PSME4: variants seen among roughly 807,000 people sequenced by gnomAD.
PSME4 encodes the protein proteasome activator complex subunit 4.
In PSME4, 89 loss-of-function variants were observed where a neutral mutation model predicts 253.9. That is an observed-to-expected ratio of 0.35 (90% CI 0.30 to 0.42). The LOEUF is 0.42. Among genes scored for constraint, PSME4 ranks in the 10% least tolerant of loss-of-function variants. The pLI, the probability that PSME4 is intolerant of heterozygous loss-of-function variation, is 1.00. For synonymous variants in PSME4, 851 were observed against 759.2 expected, an observed-to-expected ratio of 1.12 and a Z score of -1.99; for missense variants, 2,014 against 2,195.2, an observed-to-expected ratio of 0.92 and a Z score of 1.65.
At position 53,866,838 on chromosome 2, in the gene PSME4, C is replaced by T. The variant is rs760653754; in HGVS notation, c.5306G>A (p.Cys1769Tyr). 28 of 1,614,096 alleles carry T rather than the reference C, an allele frequency of 1.7e-5. No individual in the cohort carries two copies. The highest frequency in any genetic ancestry group is 2.3e-5 in the Non-Finnish European group (27 of 1,179,964). The change falls in exon 45 of 47, where the codon TGT becomes TAT. Residue 1769 changes from cysteine to tyrosine, a missense_variant. This residue lies in a region of PSME4 where 403 missense variants were observed against 556.1 expected (regional missense o/e 0.72). Transcript: ENST00000404125. ...AACATCGTAAGGACTAGAAAGAACA[C>T]ATGCACCAAGTCCTAGCACCCCAGC... ...RHAGVLGLGA[C>Y]VLSSPYDVPT... is the part of the protein sequence containing the mutation.
intron 17 of PSME4, among the ~76,000 whole-genome samples, chr2:53,921,311 T>C (rs186193443): frequency 3.3e-5 from 5 of 152,034 alleles, no homozygotes; most frequent in East Asian, 3.9e-4. Flanking sequence ...TCATGCACCA[T>C]AGTAACATCC....
At chr2:53,923,953 A>G (rs937330988) in intron 14 of PSME4, among the ~76,000 whole-genome samples, 61 of 149,876 alleles carry the variant, frequency 4.1e-4, no homozygotes, top group South Asian at 6.3e-4. Context: ...AAATTGAGGT[A>G]CAAGATTTCA....
At chr2:53,924,813 A>C (rs931551821) in intron 14 of PSME4, among the ~76,000 whole-genome samples, 4 of 152,082 alleles carry the variant, frequency 2.6e-5, no homozygotes, top group African/African-American at 9.7e-5. Flanking sequence ...ATGTTCTATA[A>C]ATTTGCTGTG....
chr2:53,920,196 G>A lies in PSME4; in HGVS notation c.2417C>T (p.Ser806Phe), dbSNP rs1365582950. Residue 806 changes from serine (S) to phenylalanine (F), a missense_variant, in exon 19 of 47, where the codon TCT becomes TTT. Coordinates refer to ENST00000404125, the MANE Select transcript of PSME4 (RefSeq NM_014614.3). ...CTAATTATAAAATAAAACCAACCTA[G>A]ACATTTCAAGTTTTCCATCCCCACA... ...QHCGDGKLEMSRDDILQSLTI... is the reference protein window; with the variant it reads ...QHCGDGKLEMFRDDILQSLTI... 6.2e-7 allele frequency: 1 copy of A among 1,605,656 alleles called. No individual in the cohort carries two copies. Among genetic ancestry groups the A allele is most frequent in the African/African-American group, 1.3e-5 (1 of 74,518 alleles).
chr2:53,921,116 GA>G lies in PSME4; in HGVS notation c.2047-13del. On this transcript the variant is annotated splice_polypyrimidine_tract_variant and intron_variant, in intron 17 of 46. Coordinates refer to ENST00000404125, the MANE Select transcript of PSME4 (RefSeq NM_014614.3). ...TCCACTCGAGTAATCTAAAAGGAGG[GA>G]AAAAATAGTTGAAGATATTTTGGTT... is the stretch of plus-strand genomic sequence containing the variant. The G allele has an allele frequency of 6.2e-7, 1 of 1,608,778 alleles. No individual in the cohort carries two copies. The highest frequency in any genetic ancestry group is 8.5e-7 in the Non-Finnish European group (1 of 1,178,792).
chr2:53,938,709 G>T (rs805361), intron 4 of PSME4, among the ~76,000 whole-genome samples: 73,948 of 151,854 alleles, frequency 0.49, 18,345 homozygotes, highest in East Asian at 0.72. Context: ...GGCCCACACA[G>T]CATATTATTA....
In PSME4 at chr2:53,887,412, T is replaced by C; in HGVS notation, c.4576A>G (p.Ile1526Val). 1.2e-6 allele frequency: 2 copies of C among 1,613,966 alleles called. No individual in the cohort carries two copies. Among genetic ancestry groups the C allele is most frequent in the Non-Finnish European group, 1.7e-6 (2 of 1,179,884 alleles). Residue 1526 changes from isoleucine to valine, a missense_variant, in exon 40 of 47, where the codon ATA (isoleucine) becomes GTA (valine). By Grantham distance (29) the Ile-to-Val change is conservative (BLOSUM62 3). Transcript: ENST00000404125. ...GTAAACTCAGGGACATGAGGCGATA[T>C]GGTTGGTGTGGTATTTGGCAAAGAT... ...DVSLPNTTPT[I>V]SPHVPEFTAR...
chr2:53,921,542 G>A (rs1668315846), intron 17 of PSME4, among the ~76,000 whole-genome samples: 1 of 146,712 alleles, frequency 6.8e-6, no homozygotes, highest in South Asian at 2.3e-4. Flanking sequence ...ACCACGCCTG[G>A]CCCTAATTAA....
intron 12 of PSME4, among the ~76,000 whole-genome samples, chr2:53,926,926 T>A (rs984869748): frequency 6.7e-6 from 1 of 150,144 alleles, no homozygotes. Context: ...TGAGCCGATA[T>A]CACATCACTG....
intron 3 of PSME4, among the ~76,000 whole-genome samples, chr2:53,940,230 G>GA (rs1339492120): frequency 4.6e-5 from 7 of 151,742 alleles, no homozygotes; most frequent in Non-Finnish European, 7.4e-5. Flanking sequence ...GAACTAAAGG[G>GA]AAAAAAAGGT....
intron 4 of PSME4, among the ~76,000 whole-genome samples, chr2:53,938,520 G>C (rs563256833): frequency 1.5e-4 from 23 of 148,906 alleles, no homozygotes; most frequent in Non-Finnish European, 1.0e-4. Context: ...GTGTTTCCTA[G>C]GCTGGACCCA....
intron 3 of PSME4, among the ~76,000 whole-genome samples, chr2:53,942,906 C>A (rs1034021337): frequency 1.3e-5 from 2 of 152,112 alleles, no homozygotes; most frequent in African/African-American, 2.4e-5. Context: ...CAGTTTCAAC[C>A]AATGATTCTG....
At chr2:53,920,619 T>C (rs1218709000) in intron 18 of PSME4, among the ~76,000 whole-genome samples, 3 of 152,172 alleles carry the variant, frequency 2.0e-5, no homozygotes, top group Non-Finnish European at 4.4e-5. Flanking sequence ...TGAGTTTAAG[T>C]GAGGCTTAGT....
chr2:53,895,820 T>C, intron 32 of PSME4, 84 bp from the exon 33 acceptor site: 5 of 1,204,776 alleles, frequency 4.2e-6, no homozygotes, highest in Non-Finnish European at 5.8e-6. Flanking sequence ...AGTACCAGCA[T>C]AACTTTGTCT....
intron 1 of PSME4, among the ~76,000 whole-genome samples, chr2:53,954,677 T>TA (rs1039829416): frequency 1.4e-4 from 21 of 151,622 alleles, no homozygotes; most frequent in Non-Finnish European, 2.7e-4. Flanking sequence ...CCACCTCTTC[T>TA]AAAAAATACA....
chr2:53,942,695 T>C (rs536373344), intron 3 of PSME4, among the ~76,000 whole-genome samples: 2 of 152,344 alleles, frequency 1.3e-5, no homozygotes, highest in South Asian at 4.1e-4. Context: ...TTAATTATTA[T>C]TTCATACTTA....
chr2:53,930,218 C>T (rs995677589), intron 10 of PSME4, among the ~76,000 whole-genome samples: 1 of 151,974 alleles, frequency 6.6e-6, no homozygotes. Flanking sequence ...AATTTTAGGA[C>T]TAAAGAAAAA....
Position 53,874,484 on chromosome 2 carries a change from C to T in PSME4, c.4955G>A (p.Ser1652Asn), listed in dbSNP as rs148537289. 3 of 1,613,432 alleles carry T rather than the reference C, an allele frequency of 1.9e-6. No homozygotes were observed. The highest frequency in any genetic ancestry group is 2.5e-6 in the Non-Finnish European group (3 of 1,179,832). ...TGTGTATCGTGCATGCCAAGAACTG[C>T]TTCTTGCTGTCTGTGAATGACAAAT... is the stretch of plus-strand genomic sequence containing the variant. ...VLQVLKQTARSSSWHARYTVL... is the reference protein window; with the variant it reads ...VLQVLKQTARNSSWHARYTVL... Residue 1652 changes from serine to asparagine, a missense_variant, in exon 43 of 47, where the codon AGC (serine) becomes AAC (asparagine). Transcript: ENST00000404125.
intron 27 of PSME4, among the ~76,000 whole-genome samples, chr2:53,903,282 T>C (rs935309802): frequency 6.6e-6 from 1 of 152,162 alleles, no homozygotes; most frequent in Non-Finnish European, 1.5e-5. Context: ...ATCATCTAAC[T>C]ACTCTCTCTC....
Sources: allele counts gnomAD v4.1 joint callset (sites outside exome capture counted in the v4.1 genomes callset), GRCh38; gene constraint gnomAD v4.1.1; regional missense constraint gnomAD v4.1.1; transcripts MANE v1.5; gene names NCBI Gene and HGNC (gene_info 2026-07-23, HGNC 2026-07-21).